Variants in KCNH7 observed in about 807,000 individuals in gnomAD.
The protein encoded by KCNH7 is potassium voltage-gated channel subfamily H member 7, also known as voltage-gated inwardly rectifying potassium channel KCNH7.
In KCNH7, 49 loss-of-function variants were observed where a neutral mutation model predicts 120.8. The observed-to-expected ratio is 0.41, with a 90% CI of 0.32 to 0.51. KCNH7 has a LOEUF of 0.51. Among genes scored for constraint, KCNH7 ranks in the 20% least tolerant of loss-of-function variants. The pLI is 0.38. For missense variants in KCNH7, 1,097 were observed against 1,446.6 expected (o/e 0.76, Z 3.92); for synonymous variants, 547 against 516.1 (o/e 1.06, Z -0.81).
At chr2:162,401,629 AC>A (rs1413789652) in intron 9 of KCNH7, among the ~76,000 whole-genome samples, 3 of 151,938 alleles carry the variant, frequency 2.0e-5, no homozygotes, top group Admixed American at 2.0e-4. Context: ...CAAGGATCCT[AC>A]TGTGTATAGG....
intron 2 of KCNH7, among the ~76,000 whole-genome samples, chr2:162,804,776 A>AC (rs1395717660): frequency 4.0e-5 from 6 of 151,648 alleles, no homozygotes; most frequent in Non-Finnish European, 7.4e-5. Context: ...CAAAAAAAAA[A>AC]AAGAGACAAA....
chr2:162,548,895 A>G (rs1309455625), intron 2 of KCNH7, among the ~76,000 whole-genome samples: 1 of 152,334 alleles, frequency 6.6e-6, no homozygotes, highest in South Asian at 2.1e-4. Flanking sequence ...TATCATTATC[A>G]TAAAGAAAAT....
At chr2:162,523,087 T>G (rs1374658038) in intron 3 of KCNH7, among the ~76,000 whole-genome samples, 2 of 151,876 alleles carry the variant, frequency 1.3e-5, no homozygotes, top group Non-Finnish European at 2.9e-5. Context: ...GCCAAATTCA[T>G]GCAGAAAATT....
At chr2:162,433,792 A>C (rs1393103296) in intron 8 of KCNH7, among the ~76,000 whole-genome samples, 1 of 152,086 alleles carries the variant, frequency 6.6e-6, no homozygotes, top group African/African-American at 2.4e-5. Context: ...AATATAAATT[A>C]GTTCAGCAAC....
chr2:162,767,039 A>G (rs1251770737), intron 2 of KCNH7, among the ~76,000 whole-genome samples: 1 of 152,174 alleles, frequency 6.6e-6, no homozygotes, highest in African/African-American at 2.4e-5. Flanking sequence ...TATGAAGAGC[A>G]TCCTTTCTCT....
intron 9 of KCNH7, among the ~76,000 whole-genome samples, chr2:162,421,062 T>C (rs182910883): frequency 2.0e-5 from 3 of 152,288 alleles, no homozygotes; most frequent in Admixed American, 6.5e-5. Flanking sequence ...CAGAGTTATC[T>C]TGCAGTTTGC....
chr2:162,468,827 G>A (rs6754818), intron 6 of KCNH7, among the ~76,000 whole-genome samples: 11,107 of 151,058 alleles, frequency 0.074, 1,301 homozygotes, highest in African/African-American at 0.25. Context: ...GATTACAGGC[G>A]TGAGCCACTG....
intron 5 of KCNH7, among the ~76,000 whole-genome samples, chr2:162,505,896 C>A (rs1030556424): frequency 1.3e-5 from 2 of 151,762 alleles, no homozygotes; most frequent in African/African-American, 4.8e-5. Context: ...TAAGATTTTG[C>A]ATTTTGGACA....
chr2:162,631,377 T>C (rs1275813809), intron 2 of KCNH7, among the ~76,000 whole-genome samples: 3 of 152,038 alleles, frequency 2.0e-5, no homozygotes, highest in African/African-American at 7.2e-5. Flanking sequence ...GATCTCCCTG[T>C]GATGATTGTG....
chr2:162,431,257 G>A (rs1688056906), intron 8 of KCNH7, among the ~76,000 whole-genome samples: 1 of 151,990 alleles, frequency 6.6e-6, no homozygotes, highest in South Asian at 2.1e-4. Context: ...AACACAGGAT[G>A]CTGAGAAAGT....
intron 9 of KCNH7, among the ~76,000 whole-genome samples, chr2:162,410,159 A>G (rs903696985): frequency 6.6e-6 from 1 of 152,092 alleles, no homozygotes; most frequent in African/African-American, 2.4e-5. Flanking sequence ...TGGAGCCATC[A>G]CACTACCCAA....
rs137885113 is a variant in KCNH7 at position 162,379,126 on chromosome 2, GT to G, written c.3131+726del. On this transcript the variant is annotated intron_variant, in intron 14 of 15. Coordinates refer to ENST00000332142, the MANE Select transcript of KCNH7 (RefSeq NM_033272.4). The stretch of plus-strand genomic sequence containing the variant: ...AGAGCATTTTAATTTAGTCAGTGCA[GT>G]TTTCTGTCTGGGACCACTGGAATAT... Among the ~76,000 whole-genome samples the G allele has an allele frequency of 3.2e-3, 482 of 152,270 alleles. 2 individuals are homozygous for G. The highest frequency in any genetic ancestry group is 0.011 in the African/African-American group (461 of 41,564).
At chr2:162,574,058 G>C (rs1168857091) in intron 2 of KCNH7, among the ~76,000 whole-genome samples, 1 of 151,962 alleles carries the variant, frequency 6.6e-6, no homozygotes, top group Non-Finnish European at 1.5e-5. Flanking sequence ...TTTGAAATTT[G>C]TGTTAAATAT....
At chr2:162,407,699 C>T (rs1558929722) in intron 9 of KCNH7, among the ~76,000 whole-genome samples, 2 of 151,954 alleles carry the variant, frequency 1.3e-5, no homozygotes, top group Admixed American at 6.6e-5. Context: ...CTCCTTGCCC[C>T]TGCTCAATTA....
intron 3 of KCNH7, among the ~76,000 whole-genome samples, chr2:162,529,078 C>G (rs993378384): frequency 4.0e-5 from 6 of 151,772 alleles, no homozygotes; most frequent in Non-Finnish European, 7.4e-5. Context: ...GCTAAATCGC[C>G]CAGAAATACT....
intron 2 of KCNH7, among the ~76,000 whole-genome samples, chr2:162,780,914 A>G (rs1683456578): frequency 6.6e-6 from 1 of 152,120 alleles, no homozygotes; most frequent in Non-Finnish European, 1.5e-5. Context: ...TAAACTGGTA[A>G]AATGATATAA....
intron 7 of KCNH7, among the ~76,000 whole-genome samples, chr2:162,443,763 A>G (rs970600955): frequency 1.3e-5 from 2 of 152,154 alleles, no homozygotes; most frequent in African/African-American, 4.8e-5. Flanking sequence ...TTCCTGTTCC[A>G]AAGACTCCAT....
At chr2:162,556,253 C>A (rs915414730) in intron 2 of KCNH7, among the ~76,000 whole-genome samples, 1 of 152,080 alleles carries the variant, frequency 6.6e-6, no homozygotes, top group African/African-American at 2.4e-5. Context: ...ATATTCCAGG[C>A]TCTGTTCTAA....
At chr2:162,462,965 G>T (rs758309713) in intron 6 of KCNH7, among the ~76,000 whole-genome samples, 2 of 151,938 alleles carry the variant, frequency 1.3e-5, no homozygotes, top group African/African-American at 4.8e-5. Flanking sequence ...TATCAGGGAC[G>T]GAGTAAATTC....
Sources: allele counts gnomAD v4.1 joint callset (sites outside exome capture counted in the v4.1 genomes callset), GRCh38; gene constraint gnomAD v4.1.1; transcripts MANE v1.5; gene names NCBI Gene and HGNC (gene_info 2026-07-23, HGNC 2026-07-21).